The following RERE variants were observed in gnomAD, a reference collection of about 807,000 sequenced individuals.
The protein encoded by RERE is arginine-glutamic acid dipeptide repeats.
In RERE, 40 loss-of-function variants were observed where a neutral mutation model predicts 146.1. The ratio of observed to expected loss-of-function variants is 0.27; its 90% CI spans 0.21 to 0.36. The LOEUF is 0.36. Among genes scored for constraint, RERE ranks in the 10% least tolerant of loss-of-function variants. The pLI, the probability that RERE is intolerant of heterozygous loss-of-function variation, is 1.00. For missense variants in RERE, 1,933 were observed against 2,138.7 expected, an observed-to-expected ratio of 0.90 and a Z score of 1.90; for synonymous variants, 1,003 against 866.0, an observed-to-expected ratio of 1.16 and a Z score of -2.78.
At chr1:8,399,076 T>C (rs1266517724) in intron 12 of RERE, among the ~76,000 whole-genome samples, 4 of 152,126 alleles carry the variant, frequency 2.6e-5, no homozygotes, top group Non-Finnish European at 5.9e-5. Flanking sequence ...CATTTTTCTA[T>C]TGAACTGCTT....
At chr1:8,725,939 TA>T (rs34719898) in intron 1 of RERE, among the ~76,000 whole-genome samples, 9 of 146,894 alleles carry the variant, frequency 6.1e-5, no homozygotes, top group South Asian at 2.1e-4. Flanking sequence ...AAAAGTTGTT[TA>T]AAAAAAAAGT....
chr1:8,625,636 G>A (rs1646965555), intron 2 of RERE, among the ~76,000 whole-genome samples: 1 of 152,044 alleles, frequency 6.6e-6, no homozygotes, highest in South Asian at 2.1e-4. Flanking sequence ...ACTTCCTCTG[G>A]ACCCTTCAGA....
Position 8,360,467 on chromosome 1 carries a change from G to A in RERE, c.3040C>T (p.Pro1014Ser). Reference sequence around the variant, plus strand: ...GGGGGGTGGGAGGCAGGGGGCGGGGGCAGGTTCTGGCTCTGGGTCAGCCCG... The same window carrying A: ...GGGGGGTGGGAGGCAGGGGGCGGGGACAGGTTCTGGCTCTGGGTCAGCCCG... Reference protein sequence around the residue: ...PPGLTQSQNLPPPPASHPPTG... With the variant: ...PPGLTQSQNLSPPPASHPPTG... Residue 1014 changes from proline to serine, a missense_variant, in exon 18 of 23, where the codon CCC (proline) becomes TCC (serine). By Grantham distance (74) the Pro-to-Ser change is moderately conservative. Around this residue, in one of 11 missense-constraint regions of RERE, gnomAD observed 1,255 missense variants for 1,153.8 expected, o/e 1.09. Transcript: ENST00000400908. The A allele has an allele frequency of 1.7e-6, 1 of 591,156 alleles. No individual in the cohort carries two copies. The highest frequency in any genetic ancestry group is 2.6e-6 in the Non-Finnish European group (1 of 379,752). 36.6% of individuals were successfully genotyped at this position (591,156 alleles called of 1,614,324 possible). A position where few individuals can be genotyped will look rare whatever the true frequency, so the allele number is the denominator to read the frequency against.
At chr1:8,794,342 A>G (rs1321247911) in intron 1 of RERE, among the ~76,000 whole-genome samples, 2 of 128,756 alleles carry the variant, frequency 1.6e-5, no homozygotes, top group South Asian at 2.8e-4. Context: ...TGGGCAACAG[A>G]GCGAGACTCC....
At chr1:8,664,578 C>A (rs140283428) in intron 1 of RERE, among the ~76,000 whole-genome samples, 48 of 152,184 alleles carry the variant, frequency 3.2e-4, no homozygotes, top group African/African-American at 1.1e-3. Context: ...CACCACCATG[C>A]CTGGCTAATT....
chr1:8,533,578 T>C (rs1645685953), intron 7 of RERE, among the ~76,000 whole-genome samples: 1 of 152,224 alleles, frequency 6.6e-6, no homozygotes, highest in Non-Finnish European at 1.5e-5. Flanking sequence ...ACTTTTTATA[T>C]TGCCTTCTTA....
intron 7 of RERE, among the ~76,000 whole-genome samples, chr1:8,509,430 ATCCATCCGTCCG>A (rs1477567266): frequency 2.3e-5 from 2 of 87,196 alleles, no homozygotes; most frequent in African/African-American, 5.8e-5. Flanking sequence ...CCATCCATCC[ATCCATCCGTCCG>A]TCCGTCCGTC....
rs548075266 is a variant in RERE, at chr1:8,559,280, C to CAAAAAAAAAAAAAA, written c.523-1771_523-1758dup. Among the ~76,000 whole-genome samples, 81 of 12,058 alleles carry CAAAAAAAAAAAAAA rather than the reference C, an allele frequency of 6.7e-3. 11 individuals are homozygous for CAAAAAAAAAAAAAA. Among genetic ancestry groups the CAAAAAAAAAAAAAA allele is most frequent in the Admixed American group, 0.011 (8 of 726 alleles). 7.9% of individuals were successfully genotyped at this position (12,058 alleles called of 152,430 possible). A position where few individuals can be genotyped will look rare whatever the true frequency, so the allele number is the denominator to read the frequency against. ...GGGCAACAAGAGCAAAACTCCAGCTCAAAAAAAAAAAAAAAAAAAAAAAAC... is the reference window on the plus strand; with the variant it reads ...GGGCAACAAGAGCAAAACTCCAGCTCAAAAAAAAAAAAAAAAAAAAAAAAAAAAAAAAAAAAAAC... On this transcript the variant is annotated intron_variant, in intron 4 of 22. Transcript: ENST00000400908.
chr1:8,501,627 C>A (rs1177473016), intron 8 of RERE, among the ~76,000 whole-genome samples: 3 of 129,802 alleles, frequency 2.3e-5, no homozygotes, highest in Non-Finnish European at 3.3e-5. Flanking sequence ...GGGGGTCAGC[C>A]CCCCGCCCGG....
At chr1:8,554,741 A>C (rs1241673257) in intron 6 of RERE, among the ~76,000 whole-genome samples, 2 of 151,892 alleles carry the variant, frequency 1.3e-5, no homozygotes, top group Non-Finnish European at 2.9e-5. Flanking sequence ...CCCAGCTAAC[A>C]ATATTCCAGG....
In RERE at chr1:8,598,263, C is replaced by T. The variant is rs533927722; in HGVS notation, c.522+16298G>A. The stretch of plus-strand genomic sequence containing the variant: ...CATGGACTAAGCAGGAACGAACATA[C>T]GAGCTGTGAATCTGGTAGGGGAAAC... On this transcript the variant is annotated intron_variant, in intron 4 of 22. Coordinates refer to ENST00000400908, the MANE Select transcript of RERE (RefSeq NM_001042681.2). Among the ~76,000 whole-genome samples the T allele has an allele frequency of 1.2e-4, 18 of 152,290 alleles. No homozygotes were observed. In the East Asian group the frequency reaches 1.5e-3, roughly 13 times the overall value.
intron 12 of RERE, among the ~76,000 whole-genome samples, chr1:8,407,955 C>A (rs1408480374): frequency 6.6e-6 from 1 of 152,168 alleles, no homozygotes; most frequent in African/African-American, 2.4e-5. Context: ...ACAAGTTGTA[C>A]AATGGTTTCC....
At chr1:8,541,178 G>T (rs201336239) in intron 7 of RERE, 36 bp downstream of exon 7, 129 of 1,148,074 alleles carry the variant, frequency 1.1e-4, no homozygotes, top group Middle Eastern at 5.9e-4. Flanking sequence ...AAAAGGAAAA[G>T]AGTTCTCAAT....
chr1:8,582,871 A>G (rs1001004166), intron 4 of RERE, among the ~76,000 whole-genome samples: 1 of 152,214 alleles, frequency 6.6e-6, no homozygotes. Flanking sequence ...ATTTAAGATG[A>G]TAGGACCAGG....
At chr1:8,815,598 G>A (rs1641895683) in intron 1 of RERE, among the ~76,000 whole-genome samples, 1 of 152,202 alleles carries the variant, frequency 6.6e-6, no homozygotes, top group South Asian at 2.1e-4. Context: ...CTCTGAACAT[G>A]TTTTTGAGTG....
At chr1:8,509,579 G>A (rs780480835) in intron 7 of RERE, among the ~76,000 whole-genome samples, 8 of 152,144 alleles carry the variant, frequency 5.3e-5, no homozygotes, top group Non-Finnish European at 1.2e-4. Flanking sequence ...AGGCTAAGGC[G>A]GGAGGATCGC....
At chr1:8,769,256 GAAAAAAC>G (rs1473187321) in intron 1 of RERE, among the ~76,000 whole-genome samples, 3 of 151,594 alleles carry the variant, frequency 2.0e-5, no homozygotes, top group African/African-American at 7.3e-5. Flanking sequence ...CAATTTCAAG[GAAAAAAC>G]AAAAAACAAA....
Position 8,364,896 on chromosome 1 carries a change from C to A in RERE, c.1448-58G>T, listed in dbSNP as rs1641739107. On this transcript the variant is annotated intron_variant, in intron 13 of 22. Transcript: ENST00000400908. The surrounding 1 kb of genome is among the most constrained non-coding windows in gnomAD (Gnocchi z 5.1). ...GAGACACCATCATGCTCAGCCAAGG[C>A]TGGGCCGGTGGGGTGGGGGGGAGGG... The A allele has an allele frequency of 2.9e-5, 4 of 140,272 alleles. No homozygotes were observed. The highest frequency in any genetic ancestry group is 5.3e-5 in the South Asian group (1 of 18,938). The allele number at this position is 140,272 out of a possible 1,614,324, so 8.7% of individuals were successfully genotyped here.
chr1:8,628,522 A>G (rs1647000340), intron 2 of RERE, among the ~76,000 whole-genome samples: 1 of 152,200 alleles, frequency 6.6e-6, no homozygotes, highest in Non-Finnish European at 1.5e-5. Context: ...ATGACCCAAC[A>G]AAAAATAAAC....
Sources: gnomAD v4.1 joint callset for allele counts (sites outside exome capture counted in the v4.1 genomes callset) on GRCh38, gnomAD v4.1.1 for gene constraint, gnomAD v4.1.1 regional missense constraint, Gnocchi (gnomAD v3.1) non-coding constraint, MANE v1.5 for transcripts, NCBI Gene and HGNC (gene_info 2026-07-23, HGNC 2026-07-21) for gene names.